The following ADAMDEC1 variants were observed in gnomAD, a reference collection of about 807,000 sequenced individuals.
ADAMDEC1 encodes the protein ADAM DEC1.
ADAMDEC1 carries 62 observed loss-of-function variants against 60.4 expected under a neutral mutation model. The observed-to-expected ratio is 1.03, with a 90% CI of 0.84 to 1.27. ADAMDEC1 has a LOEUF of 1.27. Among genes scored for constraint, ADAMDEC1 ranks in the 50% most tolerant of loss-of-function variants. The pLI is 0.00. For synonymous variants in ADAMDEC1, 210 were observed against 195.1 expected, an observed-to-expected ratio of 1.08 and a Z score of -0.64; for missense variants, 595 against 565.0, an observed-to-expected ratio of 1.05 and a Z score of -0.54.
rs1817240294 is a variant in ADAMDEC1, at chr8:24,384,404, TC to T, written c.-97del. On this transcript the variant is annotated 5_prime_UTR_variant, in exon 1 of 14. It introduces an in-frame stop codon into an upstream open reading frame of the 5' UTR. Transcript: ENST00000256412. ...ATTTCCCAACACTCTTAAGAAACAT[TC>T]CCCAATCTCACACGAAAAGTGGGGG... 1 of 921,438 alleles carries T rather than the reference TC, an allele frequency of 1.1e-6. No homozygotes were observed. Among genetic ancestry groups the T allele is most frequent in the African/African-American group, 1.7e-5 (1 of 58,436 alleles). 57.1% of individuals were successfully genotyped at this position (921,438 alleles called of 1,614,324 possible).
chr8:24,384,498 C>T lies in ADAMDEC1; in HGVS notation c.-7C>T, dbSNP rs746725772. ...ATAAAACTGGACACTGGGGAGACCA[C>T]AACTTCATGCTGCGTGGGATCTCCC... is the stretch of plus-strand genomic sequence containing the variant. On this transcript the variant is annotated 5_prime_UTR_variant, in exon 1 of 14. Coordinates refer to ENST00000256412, the MANE Select transcript of ADAMDEC1 (RefSeq NM_014479.3). 12 of 1,601,462 alleles carry T rather than the reference C, an allele frequency of 7.5e-6. No homozygotes were observed. Among genetic ancestry groups the T allele is most frequent in the Middle Eastern group, 1.7e-4 (1 of 6,038 alleles).
At position 24,397,459 on chromosome 8, in the gene ADAMDEC1, G is replaced by A; in HGVS notation, c.627+3G>A. On this transcript the variant is annotated splice_donor_region_variant and intron_variant, in intron 6 of 13. Transcript: ENST00000256412. ...CTAGATCACTCAAAAGCCCAGAGGT[G>A]AATACAATTCCCTTACCTCATCATT... The A allele has an allele frequency of 6.2e-7, 1 of 1,612,466 alleles. No individual in the cohort carries two copies. Among genetic ancestry groups the A allele is most frequent in the Non-Finnish European group, 8.5e-7 (1 of 1,179,474 alleles).
chr8:24,400,155 A>C lies in ADAMDEC1; in HGVS notation c.1012-15A>C. On this transcript the variant is annotated splice_polypyrimidine_tract_variant and intron_variant, in intron 10 of 13. Coordinates refer to ENST00000256412, the MANE Select transcript of ADAMDEC1 (RefSeq NM_014479.3). ...AAATAAAAAAAGAATAAATAAATAT[A>C]TCTACTTTTTCCAGGCTAAAAAAAA... 6.5e-7 allele frequency: 1 copy of C among 1,528,038 alleles called. No homozygotes were observed. Among genetic ancestry groups the C allele is most frequent in the Non-Finnish European group, 8.8e-7 (1 of 1,138,684 alleles). The allele number at this position is 1,528,038 out of a possible 1,614,324, so 94.7% of individuals were successfully genotyped here. A position where few individuals can be genotyped will look rare whatever the true frequency, so the allele number is the denominator to read the frequency against.
chr8:24,399,507 T>G, intron 10 of ADAMDEC1, 33 bp downstream of exon 10: 2 of 1,538,364 alleles, frequency 1.3e-6, no homozygotes, highest in Non-Finnish European at 1.8e-6. Context: ...TCTCTGTGGT[T>G]CTGTATCCTC....
In ADAMDEC1 at chr8:24,401,861, C is replaced by T. The variant is rs934791613; in HGVS notation, c.1143-54C>T. On this transcript the variant is annotated intron_variant, in intron 11 of 13. Transcript: ENST00000256412. ...TTCTTTATCTTTATTCTGTGTTTCACGCAGAAGGCACCACACTGTATATCA... is the reference window on the plus strand; with the variant it reads ...TTCTTTATCTTTATTCTGTGTTTCATGCAGAAGGCACCACACTGTATATCA... 251 of 1,340,144 alleles carry T rather than the reference C, an allele frequency of 1.9e-4. 1 individual carries two copies. The highest frequency in any genetic ancestry group is 1.6e-4 in the Non-Finnish European group (158 of 977,460). 83.0% of individuals were successfully genotyped at this position (1,340,144 alleles called of 1,614,324 possible).
rs1817867584 is a variant in ADAMDEC1 at position 24,405,501 on chromosome 8, A to AGT, written c.*203_*204insGT. 1 of 480,170 alleles carries AGT rather than the reference A, an allele frequency of 2.1e-6. No individual in the cohort carries two copies. The highest frequency in any genetic ancestry group is 5.7e-5 in the South Asian group (1 of 17,408). 29.7% of individuals were successfully genotyped at this position (480,170 alleles called of 1,614,324 possible). A position where few individuals can be genotyped will look rare whatever the true frequency, so the allele number is the denominator to read the frequency against. On this transcript the variant is annotated 3_prime_UTR_variant, in exon 14 of 14. Coordinates refer to ENST00000256412, the MANE Select transcript of ADAMDEC1 (RefSeq NM_014479.3). The stretch of plus-strand genomic sequence containing the variant: ...TTGTTTAGGCCTAATCTTTCTTTTT[A>AGT]CTTTTTTTTTTCTTTTTTCTTTTTT...
Position 24,405,416 on chromosome 8 carries a change from T to C in ADAMDEC1, c.*118T>C, listed in dbSNP as rs1817865150. 8.5e-7 allele frequency: 1 copy of C among 1,178,852 alleles called. No individual in the cohort carries two copies. Among genetic ancestry groups the C allele is most frequent in the South Asian group, 1.4e-5 (1 of 73,686 alleles). The allele number at this position is 1,178,852 out of a possible 1,614,324, so 73.0% of individuals were successfully genotyped here. A position where few individuals can be genotyped will look rare whatever the true frequency, so the allele number is the denominator to read the frequency against. ...ATGGTCTTTCACTTGTCATTCTACT[T>C]TCTATATTGTTATCAGTCCAGGAAA... On this transcript the variant is annotated 3_prime_UTR_variant, in exon 14 of 14. Coordinates refer to ENST00000256412, the MANE Select transcript of ADAMDEC1 (RefSeq NM_014479.3).
At position 24,405,590 on chromosome 8, in the gene ADAMDEC1, A is replaced by G. The variant is rs894106202; in HGVS notation, c.*292A>G. Reference sequence around the variant, plus strand: ...GGAGAACAAAAGAAAGCAGTCTTCCATCAAATCACCTTAAAATGCACGGCT... The same window carrying G: ...GGAGAACAAAAGAAAGCAGTCTTCCGTCAAATCACCTTAAAATGCACGGCT... On this transcript the variant is annotated 3_prime_UTR_variant, in exon 14 of 14. Transcript: ENST00000256412. 7 of 362,210 alleles carry G rather than the reference A, an allele frequency of 1.9e-5. No homozygotes were observed. The Admixed American group carries it at 2.2e-4, about 11-fold the overall frequency. 22.4% of individuals were successfully genotyped at this position (362,210 alleles called of 1,614,324 possible). A position where few individuals can be genotyped will look rare whatever the true frequency, so the allele number is the denominator to read the frequency against.
At chr8:24,398,722 G>A in intron 8 of ADAMDEC1, 152 bp from the exon 9 acceptor site, 1 of 951,748 alleles carries the variant, frequency 1.1e-6, no homozygotes, top group Non-Finnish European at 1.6e-6. Context: ...TCACATGCAT[G>A]GCAACAAAGA....
At position 24,392,265 on chromosome 8, in the gene ADAMDEC1, T is replaced by C. The variant is rs775847598; in HGVS notation, c.92T>C (p.Ile31Thr). ...AATATTATTTCTCTTTCTCTAGCAA[T>C]AGCCATAAAGCAAACACCTGAATTA... ...VLWLIVQTQA[I>T]AIKQTPELTL... The change falls in exon 2 of 14, where the codon ATA (isoleucine) becomes ACA (threonine). Residue 31 changes from isoleucine to threonine, a missense_variant. Ile to Thr is a moderately conservative substitution (Grantham distance 89). Coordinates refer to ENST00000256412, the MANE Select transcript of ADAMDEC1 (RefSeq NM_014479.3). The C allele has an allele frequency of 4.4e-6, 7 of 1,596,218 alleles. No individual in the cohort carries two copies. The highest frequency in any genetic ancestry group is 1.4e-5 in the African/African-American group (1 of 73,964).
chr8:24,402,150 C>CAAAAG, intron 12 of ADAMDEC1, 58 bp downstream of exon 12: 1 of 1,430,278 alleles, frequency 7.0e-7, no homozygotes. Flanking sequence ...TTTTGTTTTC[C>CAAAAG]AATATTCTTT....
intron 8 of ADAMDEC1, 77 bp downstream of exon 8, chr8:24,398,628 C>A (rs1817677388): frequency 1.7e-6 from 2 of 1,170,122 alleles, no homozygotes; most frequent in African/African-American, 1.6e-5. Context: ...ATTTCACCAA[C>A]AAGAAGTTAA....
chr8:24,384,781 A>G (rs1817251902), intron 1 of ADAMDEC1, among the ~76,000 whole-genome samples, 189 bp downstream of exon 1: 1 of 152,194 alleles, frequency 6.6e-6, no homozygotes, highest in African/African-American at 2.4e-5. Flanking sequence ...TTTTTGAGTG[A>G]GGATATTTTA....
intron 1 of ADAMDEC1, among the ~76,000 whole-genome samples, 194 bp downstream of exon 1, chr8:24,384,786 A>G (rs1469702134): frequency 6.6e-6 from 1 of 152,194 alleles, no homozygotes; most frequent in Non-Finnish European, 1.5e-5. Context: ...GAGTGAGGAT[A>G]TTTTAAACCA....
chr8:24,402,839 TA>T (rs1273055010), intron 12 of ADAMDEC1, among the ~76,000 whole-genome samples: 3 of 152,186 alleles, frequency 2.0e-5, no homozygotes, highest in Non-Finnish European at 1.5e-5. Context: ...CTACACAGCC[TA>T]ACTTAGTCAT....
intron 3 of ADAMDEC1, among the ~76,000 whole-genome samples, 176 bp from the exon 4 acceptor site, chr8:24,393,893 G>T (rs759488429): frequency 1.3e-4 from 20 of 152,192 alleles, no homozygotes; most frequent in Non-Finnish European, 2.6e-4. Context: ...TTAATAGGAA[G>T]AACCAACTCT....
In ADAMDEC1 at chr8:24,384,329, C is replaced by T. The variant is rs1817237789; in HGVS notation, c.-176C>T. The T allele has an allele frequency of 1.7e-6, 1 of 583,832 alleles. No homozygotes were observed. Among genetic ancestry groups the T allele is most frequent in the African/African-American group, 1.9e-5 (1 of 52,534 alleles). 36.2% of individuals were successfully genotyped at this position (583,832 alleles called of 1,614,324 possible). A position where few individuals can be genotyped will look rare whatever the true frequency, so the allele number is the denominator to read the frequency against. ...GCTATAACCACAGCCATAAATATCT[C>T]TCAAAGATGAGGAACATTCTCATGA... On this transcript the variant is annotated 5_prime_UTR_variant, in exon 1 of 14. Transcript: ENST00000256412.
intron 12 of ADAMDEC1, 151 bp downstream of exon 12, chr8:24,402,243 T>A (rs751846418): frequency 5.8e-6 from 4 of 685,520 alleles, no homozygotes; most frequent in Non-Finnish European, 9.2e-6. Context: ...AATTTAGTAA[T>A]CCTTTGAAAG....
At position 24,397,705 on chromosome 8, in the gene ADAMDEC1, A is replaced by G; in HGVS notation, c.650A>G (p.Gln217Arg). 6.2e-7 allele frequency: 1 copy of G among 1,613,546 alleles called. No homozygotes were observed. Among genetic ancestry groups the G allele is most frequent in the South Asian group, 1.1e-5 (1 of 90,994 alleles). ...SPEKEDFLRA[Q>R]KYIDLYLVLD... is the part of the protein sequence containing the mutation. Reference sequence around the variant, plus strand: ...AAGAAAGAAGACTTTCTTCGGGCACAGAAATACATTGATCTCTATTTGGTG... The same window carrying G: ...AAGAAAGAAGACTTTCTTCGGGCACGGAAATACATTGATCTCTATTTGGTG... Residue 217 changes from glutamine to arginine, a missense_variant, in exon 7 of 14, where the codon CAG becomes CGG. Gln to Arg is a conservative substitution (Grantham distance 43). Coordinates refer to ENST00000256412, the MANE Select transcript of ADAMDEC1 (RefSeq NM_014479.3).
Sources: gnomAD v4.1 joint callset for allele counts (sites outside exome capture counted in the v4.1 genomes callset) on GRCh38, gnomAD v4.1.1 for gene constraint, MANE v1.5 for transcripts, NCBI Gene and HGNC (gene_info 2026-07-23, HGNC 2026-07-21) for gene names.